Variants in RAB2A observed in about 807,000 individuals in gnomAD.
RAB2A encodes the protein RAB2A, member RAS oncogene family, also known as ras-related protein Rab-2A.
RAB2A carries 7 observed loss-of-function variants against 32.5 expected under a neutral mutation model. That is an observed-to-expected ratio of 0.22 (90% CI 0.12 to 0.40). RAB2A has a LOEUF of 0.40. Among genes scored for constraint, RAB2A ranks in the 10% least tolerant of loss-of-function variants. The pLI, the probability that RAB2A is intolerant of heterozygous loss-of-function variation, is 1.00. For missense variants in RAB2A, 108 were observed against 260.7 expected (o/e 0.41, Z 4.03); for synonymous variants, 79 against 85.2 (o/e 0.93, Z 0.40).
intron 2 of RAB2A, chr8:60,569,900 G>A: frequency 2.2e-6 from 1 of 451,644 alleles, no homozygotes; most frequent in Non-Finnish European, 4.4e-6. Flanking sequence ...TAGAATGTCT[G>A]TAGTTATGTA....
intron 6 of RAB2A, among the ~76,000 whole-genome samples, chr8:60,611,814 C>T (rs1715973086): frequency 6.6e-6 from 1 of 152,104 alleles, no homozygotes; most frequent in Admixed American, 6.6e-5. Context: ...AATTACAAAA[C>T]GTCAGTCATT....
At chr8:60,555,546 G>A in intron 1 of RAB2A, among the ~76,000 whole-genome samples, 1 of 151,276 alleles carries the variant, frequency 6.6e-6, no homozygotes, top group South Asian at 2.1e-4. Flanking sequence ...ATGAGGGAAG[G>A]ATCTGAATGG....
intron 3 of RAB2A, among the ~76,000 whole-genome samples, chr8:60,575,067 CCT>C (rs1302097857): frequency 6.8e-6 from 1 of 147,740 alleles, no homozygotes; most frequent in Non-Finnish European, 1.5e-5. Context: ...TACAGGTTTT[CCT>C]CTTTTGTTTT....
chr8:60,623,117 G>T lies in RAB2A; in HGVS notation c.*2348G>T, dbSNP rs1369894913. The T allele has an allele frequency of 6.6e-6, 1 of 152,152 alleles. No homozygotes were observed. The highest frequency in any genetic ancestry group is 1.5e-5 in the Non-Finnish European group (1 of 68,036). The allele number at this position is 152,152 out of a possible 1,614,324, so 9.4% of individuals were successfully genotyped here. A position where few individuals can be genotyped will look rare whatever the true frequency, so the allele number is the denominator to read the frequency against. ...CTCAACATGTAACATTCAAAATTGT[G>T]ATCTTCATAAAGACATTGTTACCAT... On this transcript the variant is annotated 3_prime_UTR_variant, in exon 8 of 8. Transcript: ENST00000262646.
At chr8:60,543,224 G>A (rs1807673902) in intron 1 of RAB2A, among the ~76,000 whole-genome samples, 1 of 152,174 alleles carries the variant, frequency 6.6e-6, no homozygotes, top group Non-Finnish European at 1.5e-5. Context: ...ACAGAAAGTT[G>A]TTCTGTCACA....
chr8:60,548,680 CG>C (rs1563466178), intron 1 of RAB2A, among the ~76,000 whole-genome samples: 6 of 144,576 alleles, frequency 4.2e-5, no homozygotes, highest in Non-Finnish European at 1.5e-5. Flanking sequence ...AGTGGCTGGC[CG>C]GGCAGAGGGG....
intron 6 of RAB2A, among the ~76,000 whole-genome samples, chr8:60,611,994 A>T (rs1249513923): frequency 6.6e-6 from 1 of 152,140 alleles, no homozygotes; most frequent in Non-Finnish European, 1.5e-5. Flanking sequence ...AAGTTCTGGG[A>T]TACATGTGCT....
intron 2 of RAB2A, among the ~76,000 whole-genome samples, chr8:60,569,020 A>AC (rs1377811218): frequency 7.2e-5 from 11 of 152,214 alleles, no homozygotes; most frequent in Non-Finnish European, 1.2e-4. Flanking sequence ...CTTCCAAGAG[A>AC]CTAGGATTCA....
At chr8:60,527,204 CTCACTG>C (rs1807406466) in intron 1 of RAB2A, among the ~76,000 whole-genome samples, 1 of 152,006 alleles carries the variant, frequency 6.6e-6, no homozygotes, top group South Asian at 2.1e-4. Flanking sequence ...CTCGTGAGAA[CTCACTG>C]TCACTGAGAA....
At chr8:60,576,806 C>A (rs992030295) in intron 3 of RAB2A, among the ~76,000 whole-genome samples, 3 of 152,198 alleles carry the variant, frequency 2.0e-5, no homozygotes, top group Non-Finnish European at 2.9e-5. Context: ...CCATTACTGT[C>A]ACTTCCTCCC....
At chr8:60,588,196 T>A (rs1456992448) in intron 5 of RAB2A, among the ~76,000 whole-genome samples, 5 of 152,116 alleles carry the variant, frequency 3.3e-5, no homozygotes, top group African/African-American at 9.7e-5. Flanking sequence ...GGTGGTAGGA[T>A]CACTTAAGCC....
At chr8:60,562,727 G>A (rs754862442) in intron 2 of RAB2A, among the ~76,000 whole-genome samples, 22 of 152,114 alleles carry the variant, frequency 1.4e-4, no homozygotes, top group Non-Finnish European at 3.1e-4. Flanking sequence ...AATGTTCATT[G>A]TCGATAATGA....
chr8:60,537,160 G>A (rs548487944), intron 1 of RAB2A, among the ~76,000 whole-genome samples: 1 of 152,142 alleles, frequency 6.6e-6, no homozygotes, highest in African/African-American at 2.4e-5. Flanking sequence ...GTGTGTAAAT[G>A]CATATATATC....
intron 3 of RAB2A, among the ~76,000 whole-genome samples, chr8:60,579,024 T>G (rs1032405444): frequency 6.8e-6 from 1 of 147,990 alleles, no homozygotes; most frequent in Non-Finnish European, 1.5e-5. Flanking sequence ...TTTGTGAATG[T>G]TTTTTTGTTG....
chr8:60,609,865 A>C (rs1804306109), intron 6 of RAB2A, among the ~76,000 whole-genome samples: 1 of 148,964 alleles, frequency 6.7e-6, no homozygotes, highest in Non-Finnish European at 1.5e-5. Context: ...GCTATGAGGT[A>C]GGAGGATCAC....
At chr8:60,531,624 C>G (rs1807477180) in intron 1 of RAB2A, among the ~76,000 whole-genome samples, 1 of 152,054 alleles carries the variant, frequency 6.6e-6, no homozygotes, top group Admixed American at 6.6e-5. Context: ...ATGTGTTAAC[C>G]ACAAAATGGC....
intron 1 of RAB2A, among the ~76,000 whole-genome samples, chr8:60,537,968 A>G (rs903733791): frequency 6.6e-6 from 1 of 152,304 alleles, no homozygotes; most frequent in East Asian, 1.9e-4. Flanking sequence ...ATGAGCTACC[A>G]TGCCTGGCCG....
At chr8:60,575,685 T>TTCAC (rs1448716398) in intron 3 of RAB2A, among the ~76,000 whole-genome samples, 1 of 143,090 alleles carries the variant, frequency 7.0e-6, no homozygotes, top group Non-Finnish European at 1.5e-5. Context: ...GAGACGGTGT[T>TTCAC]TCACTCTTGC....
At chr8:60,570,019 T>C (rs1387682581) in intron 2 of RAB2A, 1 of 456,202 alleles carries the variant, frequency 2.2e-6, no homozygotes, top group Non-Finnish European at 4.4e-6. Flanking sequence ...CAGGAGCAGT[T>C]GTGTTAGCTT....
Sources: gnomAD v4.1 joint callset for allele counts (sites outside exome capture counted in the v4.1 genomes callset) on GRCh38, gnomAD v4.1.1 for gene constraint, MANE v1.5 for transcripts, NCBI Gene and HGNC (gene_info 2026-07-23, HGNC 2026-07-21) for gene names.